The following LRIF1 variants were observed in gnomAD, a reference collection of about 807,000 sequenced individuals.
LRIF1 encodes the protein ligand-dependent nuclear receptor-interacting factor 1.
LRIF1 carries 32 observed loss-of-function variants against 52.7 expected under a neutral mutation model. The ratio of observed to expected loss-of-function variants is 0.61; its 90% CI spans 0.46 to 0.82. The LOEUF is 0.82. Ranked by LOEUF, LRIF1 falls within the 40% of genes least tolerant of loss-of-function variation. The pLI is 0.00. For missense variants in LRIF1, 887 were observed against 892.0 expected (o/e 0.99, Z 0.07); for synonymous variants, 323 against 317.4 (o/e 1.02, Z -0.19).
intron 3 of LRIF1, among the ~76,000 whole-genome samples, chr1:110,949,350 C>T (rs916475410): frequency 6.6e-6 from 1 of 151,548 alleles, no homozygotes; most frequent in Non-Finnish European, 1.5e-5. Flanking sequence ...GATCTCTTGA[C>T]CTCGTGATCC....
In LRIF1 at chr1:110,952,522, G is replaced by T. The variant is rs560644011; in HGVS notation, c.362C>A (p.Thr121Asn). 1.9e-6 allele frequency: 3 copies of T among 1,613,862 alleles called. No homozygotes were observed. Among genetic ancestry groups the T allele is most frequent in the Non-Finnish European group, 2.5e-6 (3 of 1,179,774 alleles). Residue 121 changes from threonine to asparagine, a missense_variant, in exon 2 of 4, where the codon ACT becomes AAT. By Grantham distance (65) the Thr-to-Asn change is moderately conservative. Coordinates refer to ENST00000369763, the MANE Select transcript of LRIF1 (RefSeq NM_018372.4). The part of the protein sequence containing the change: ...TVDTSEKGRV[T>N]SVGTGNFSSS... ...AGAAAAATTTCCAGTTCCCACAGAA[G>T]TAACTCTACCTTTTTCTGATGTATC...
chr1:110,957,470 C>CAAAAAAAAAAAA lies in LRIF1; in HGVS notation c.69-4667_69-4656dup, dbSNP rs34396800. 2.9e-3 allele frequency among the ~76,000 whole-genome samples: 123 copies of CAAAAAAAAAAAA among 42,756 alleles called. 14 individuals are homozygous for CAAAAAAAAAAAA. The highest frequency in any genetic ancestry group is 3.9e-3 in the South Asian group (3 of 766). The allele number at this position is 42,756 out of a possible 152,430, so 28.0% of individuals were successfully genotyped here. The stretch of plus-strand genomic sequence containing the variant: ...TGGGCGACAAAGCAAGACTCAGTCT[C>CAAAAAAAAAAAA]AAAAAAAAAAAAAAAAAAAAAAGAC... On this transcript the variant is annotated intron_variant, in intron 1 of 3. Transcript: ENST00000369763.
Position 110,948,274 on chromosome 1 carries a change from G to C in LRIF1, c.1995C>G (p.Leu665=), listed in dbSNP as rs774163210. The C allele has an allele frequency of 4.3e-6, 7 of 1,614,108 alleles. No individual in the cohort carries two copies. The highest frequency in any genetic ancestry group is 5.9e-6 in the Non-Finnish European group (7 of 1,180,008). ...CTGAAGTTGGTAAAATACTGCTTAG[G>C]AGTTGGGAACCGGTGACATTAGCTT... ...NGEANVTGSQ[L]LSSILPTSDV... The change falls in exon 4 of 4, where the codon CTC becomes CTG. Residue 665 remains leucine (L), a synonymous_variant. Transcript: ENST00000369763.
chr1:110,957,074 T>G (rs966204210), intron 1 of LRIF1, among the ~76,000 whole-genome samples: 1 of 152,056 alleles, frequency 6.6e-6, no homozygotes, highest in Non-Finnish European at 1.5e-5. Context: ...TAATGCTCCC[T>G]TACTCATTTT....
the LRIF1 span, among the ~76,000 whole-genome samples, chr1:110,934,368 G>C: frequency 4.1e-4 from 63 of 152,172 alleles, no homozygotes; most frequent in Non-Finnish European, 8.8e-5. Context: ...GGCAACAGGC[G>C]GATCAAGAAC....
chr1:110,945,435 C>A (rs1210719339), downstream of LRIF1, among the ~76,000 whole-genome samples: 1 of 143,494 alleles, frequency 7.0e-6, no homozygotes, highest in Non-Finnish European at 1.5e-5. Flanking sequence ...CTCCCTCTCT[C>A]CTTCCTTTGA....
At chr1:110,910,485 C>T in the LRIF1 span, among the ~76,000 whole-genome samples, 4 of 152,112 alleles carry the variant, frequency 2.6e-5, no homozygotes, top group Admixed American at 6.6e-5. Flanking sequence ...CTTGTAATCC[C>T]AGCTACTTGG....
At chr1:110,940,756 C>T in the LRIF1 span, 2 of 152,212 alleles carry the variant, frequency 1.3e-5, no homozygotes, top group South Asian at 4.1e-4. Flanking sequence ...CATGTTCTCA[C>T]TTATTTATGA....
the LRIF1 span, among the ~76,000 whole-genome samples, chr1:110,900,362 G>A: frequency 6.6e-6 from 1 of 152,112 alleles, no homozygotes; most frequent in Non-Finnish European, 1.5e-5. Flanking sequence ...GCCACAGTTT[G>A]TTGTTTTTGT....
chr1:110,890,357 A>C, the LRIF1 span, among the ~76,000 whole-genome samples: 1 of 152,320 alleles, frequency 6.6e-6, no homozygotes, highest in East Asian at 1.9e-4. Context: ...ACCTGAGGTC[A>C]GAAGTTTGAG....
chr1:110,929,804 A>G, the LRIF1 span, among the ~76,000 whole-genome samples: 1 of 152,158 alleles, frequency 6.6e-6, no homozygotes, highest in Non-Finnish European at 1.5e-5. Context: ...AATGGGAGCT[A>G]AATGATGAGA....
Position 110,952,408 on chromosome 1 carries a change from T to C in LRIF1, c.476A>G (p.Asp159Gly), listed in dbSNP as rs1394178950. The C allele has an allele frequency of 1.2e-6, 2 of 1,612,760 alleles. No homozygotes were observed. The highest frequency in any genetic ancestry group is 2.2e-5 in the East Asian group (1 of 44,850). Residue 159 changes from aspartate (D) to glycine (G), a missense_variant, in exon 2 of 4, where the codon GAC becomes GGC. Coordinates refer to ENST00000369763, the MANE Select transcript of LRIF1 (RefSeq NM_018372.4). ...TFAVPPSTQK[D>G]SSFIVVNTQS... Reference sequence around the variant, plus strand: ...GGTATTAACTACAATAAAAGATGAGTCTTTTTGTGTTGAGGGAGGAACAGC... The same window carrying C: ...GGTATTAACTACAATAAAAGATGAGCCTTTTTGTGTTGAGGGAGGAACAGC...
At chr1:110,881,745 T>C in the LRIF1 span, among the ~76,000 whole-genome samples, 21 of 152,206 alleles carry the variant, frequency 1.4e-4, no homozygotes, top group Non-Finnish European at 3.1e-4. Context: ...AGAGTTCCAG[T>C]TTCACTACAT....
the LRIF1 span, chr1:110,896,608 C>T: frequency 3.8e-6 from 6 of 1,572,518 alleles, no homozygotes; most frequent in Admixed American, 1.0e-4. Flanking sequence ...CTTTTTTTCA[C>T]TGTTGACTTT....
chr1:110,909,284 T>C, the LRIF1 span, among the ~76,000 whole-genome samples: 1 of 152,060 alleles, frequency 6.6e-6, no homozygotes, highest in Non-Finnish European at 1.5e-5. Flanking sequence ...CTTAAATACA[T>C]AGAGCTTACT....
the LRIF1 span, among the ~76,000 whole-genome samples, chr1:110,884,830 G>A: frequency 8.3e-6 from 1 of 121,032 alleles, no homozygotes; most frequent in African/African-American, 3.0e-5. Context: ...AAATGTATTC[G>A]CTTCTTTATA....
In LRIF1 at chr1:110,952,491, T is replaced by C. The variant is rs139331650; in HGVS notation, c.393A>G (p.Ser131=). 4.7e-5 allele frequency: 76 copies of C among 1,613,262 alleles called. No homozygotes were observed. The highest frequency in any genetic ancestry group is 6.2e-5 in the Non-Finnish European group (73 of 1,179,386). ...TSVGTGNFSS[S]VSKVQSHGVK... ...CACCATGACTCTGAACTTTAGAAAC[T>C]GATGAAGAAAAATTTCCAGTTCCCA... Residue 131 remains serine (S), a synonymous_variant, in exon 2 of 4, where the codon TCA becomes TCG. Transcript: ENST00000369763.
At chr1:110,915,576 C>T in the LRIF1 span, among the ~76,000 whole-genome samples, 3 of 152,156 alleles carry the variant, frequency 2.0e-5, no homozygotes, top group Admixed American at 2.0e-4. Context: ...CCCTCACCAA[C>T]AGCAAAAGCA....
the LRIF1 span, among the ~76,000 whole-genome samples, chr1:110,906,146 C>T: frequency 1.1e-4 from 16 of 152,054 alleles, no homozygotes; most frequent in Admixed American, 7.2e-4. Context: ...AAAATGTAAA[C>T]ATTTACAGAT....
Sources: allele counts gnomAD v4.1 joint callset (sites outside exome capture counted in the v4.1 genomes callset), GRCh38; gene constraint gnomAD v4.1.1; transcripts MANE v1.5; gene names NCBI Gene and HGNC (gene_info 2026-07-23, HGNC 2026-07-21).